The following XCR1 variants were observed in gnomAD, a reference collection of about 807,000 sequenced individuals.
XCR1 encodes the protein chemokine XC receptor 1.
For missense variants in XCR1, 356 were observed against 424.2 expected (o/e 0.84, Z 1.41); for synonymous variants, 187 against 188.5 (o/e 0.99, Z 0.06).
At chr3:46,023,258 T>C (rs1234026135) in intron 1 of XCR1, 2 of 659,466 alleles carry the variant, frequency 3.0e-6, no homozygotes, top group Admixed American at 2.6e-5. Context: ...CCATGTTCCC[T>C]GGCCCCACCG....
At chr3:46,081,178 A>C (rs1313870741) in intron 1 of XCR1, among the ~76,000 whole-genome samples, 1 of 152,224 alleles carries the variant, frequency 6.6e-6, no homozygotes, top group African/African-American at 2.4e-5. Flanking sequence ...CATTTGCAAC[A>C]TTTGGCCTAT....
At position 46,067,128 on chromosome 3, in the gene XCR1, G is replaced by A. The variant is rs184831523; in HGVS notation, c.-262-150C>T. Among the ~76,000 whole-genome samples, 181 of 152,308 alleles carry A rather than the reference G, an allele frequency of 1.2e-3. 2 individuals carry two copies. The highest frequency in any genetic ancestry group is 6.8e-3 in the Middle Eastern group (2 of 294). ...CCTCTAGGTGCTGGGGGTTCAAAAAGGAATACCTGTGAAGATACTTGTGAG... is the reference window on the plus strand; with the variant it reads ...CCTCTAGGTGCTGGGGGTTCAAAAAAGAATACCTGTGAAGATACTTGTGAG... On this transcript the variant is annotated intron_variant, in intron 3 of 5. Coordinates refer to the XCR1 transcript ENST00000683768.
At chr3:46,045,650 C>T (rs538980365) in intron 5 of XCR1, among the ~76,000 whole-genome samples, 9 of 152,032 alleles carry the variant, frequency 5.9e-5, no homozygotes, top group African/African-American at 2.2e-4. Context: ...TTTTAAAAAC[C>T]TAAAGCCACA....
intron 1 of XCR1, among the ~76,000 whole-genome samples, chr3:46,022,942 C>T (rs1481910467): frequency 6.6e-6 from 1 of 151,952 alleles, no homozygotes; most frequent in Non-Finnish European, 1.5e-5. Context: ...TACCTGTTCC[C>T]AAGGAAATAA....
chr3:46,066,200 T>TCCTTCCTC (rs201040623), intron 4 of XCR1, among the ~76,000 whole-genome samples: 3 of 140,596 alleles, frequency 2.1e-5, no homozygotes, highest in East Asian at 3.9e-4. Flanking sequence ...CTTCCTTCCT[T>TCCTTCCTC]CCTCCCTCCC....
At chr3:46,084,191 C>T (rs548854798) in intron 1 of XCR1, among the ~76,000 whole-genome samples, 15 of 152,114 alleles carry the variant, frequency 9.9e-5, no homozygotes, top group Non-Finnish European at 2.1e-4. Flanking sequence ...TGAGATGTCT[C>T]CACTCCCCCA....
upstream of XCR1, among the ~76,000 whole-genome samples, chr3:46,029,781 G>A (rs1708364699): frequency 6.6e-6 from 1 of 152,056 alleles, no homozygotes; most frequent in African/African-American, 2.4e-5. Flanking sequence ...AACAATATTG[G>A]GTCTTCCAAT....
intron 5 of XCR1, among the ~76,000 whole-genome samples, chr3:46,038,370 G>C (rs750146950): frequency 6.6e-6 from 1 of 152,072 alleles, no homozygotes; most frequent in African/African-American, 2.4e-5. Context: ...AAGGTAAACT[G>C]AGTAGGATAA....
At chr3:46,080,718 T>C (rs1451270527) in intron 1 of XCR1, among the ~76,000 whole-genome samples, 2 of 152,222 alleles carry the variant, frequency 1.3e-5, no homozygotes, top group African/African-American at 4.8e-5. Context: ...TGATGTGGAC[T>C]TAATGATAGA....
chr3:46,056,887 G>A (rs111433266), intron 4 of XCR1, among the ~76,000 whole-genome samples: 182 of 152,116 alleles, frequency 1.2e-3, no homozygotes, highest in Middle Eastern at 6.8e-3. Flanking sequence ...AACAATTTCC[G>A]TGCAAACATT....
chr3:46,049,071 C>T (rs780189805), intron 5 of XCR1, among the ~76,000 whole-genome samples: 3 of 152,194 alleles, frequency 2.0e-5, no homozygotes, highest in Non-Finnish European at 2.9e-5. Context: ...TGTCACTGTA[C>T]ATGACCAGCT....
chr3:46,049,886 G>A (rs1311041332), intron 5 of XCR1, among the ~76,000 whole-genome samples: 1 of 152,194 alleles, frequency 6.6e-6, no homozygotes, highest in Admixed American at 6.5e-5. Flanking sequence ...AGTCTGCCAG[G>A]CAGTTGACAT....
At chr3:46,029,406 G>T (rs1218452229), upstream of XCR1, among the ~76,000 whole-genome samples, 1 of 152,052 alleles carries the variant, frequency 6.6e-6, no homozygotes. Context: ...TGTTTCCCAG[G>T]CTGGTCTTCA....
At chr3:46,028,078 C>T (rs1383998631), upstream of XCR1, among the ~76,000 whole-genome samples, 1 of 152,204 alleles carries the variant, frequency 6.6e-6, no homozygotes, top group Non-Finnish European at 1.5e-5. Context: ...ACCTGTGACT[C>T]AGACTTTTAG....
chr3:46,068,031 T>C (rs1438376228), intron 3 of XCR1, among the ~76,000 whole-genome samples: 1 of 152,206 alleles, frequency 6.6e-6, no homozygotes, highest in Non-Finnish European at 1.5e-5. Context: ...ATAAGGTCAT[T>C]GGTGGATTCA....
At chr3:46,038,184 T>G (rs770304266) in intron 5 of XCR1, among the ~76,000 whole-genome samples, 3 of 151,964 alleles carry the variant, frequency 2.0e-5, no homozygotes, top group Non-Finnish European at 4.4e-5. Flanking sequence ...CGTGCCACCA[T>G]GCCTTGTATT....
chr3:46,073,316 T>C (rs575788898), intron 3 of XCR1, among the ~76,000 whole-genome samples: 1 of 152,310 alleles, frequency 6.6e-6, no homozygotes, highest in South Asian at 2.1e-4. Context: ...TAACAGATGC[T>C]GGGTGCAGTG....
chr3:46,022,629 T>G (rs1277772178), intron 1 of XCR1, among the ~76,000 whole-genome samples: 1 of 152,254 alleles, frequency 6.6e-6, no homozygotes, highest in Non-Finnish European at 1.5e-5. Flanking sequence ...TAGAATGCCC[T>G]TCCTTGGCTG....
intron 5 of XCR1, among the ~76,000 whole-genome samples, chr3:46,043,079 C>T (rs1297416681): frequency 1.3e-5 from 2 of 152,134 alleles, no homozygotes; most frequent in Admixed American, 6.6e-5. Context: ...ATCATGTGAT[C>T]ATCTCAATTG....
Sources: gnomAD v4.1 joint callset for allele counts (sites outside exome capture counted in the v4.1 genomes callset) on GRCh38, gnomAD v4.1.1 for gene constraint, MANE v1.5 for transcripts, NCBI Gene and HGNC (gene_info 2026-07-23, HGNC 2026-07-21) for gene names.